The following CFAP20DC variants were observed in gnomAD, a reference collection of about 807,000 sequenced individuals.
The protein encoded by CFAP20DC is CFAP20 domain containing.
In CFAP20DC, 84 loss-of-function variants were observed where a neutral mutation model predicts 101.7. The ratio of observed to expected loss-of-function variants is 0.83; its 90% CI spans 0.69 to 0.99. CFAP20DC has a LOEUF of 0.99. CFAP20DC is among the 50% of genes least tolerant of loss of function. The pLI, the probability that CFAP20DC is intolerant of heterozygous loss-of-function variation, is 0.00. For missense variants in CFAP20DC, 1,007 were observed against 970.3 expected, an observed-to-expected ratio of 1.04 and a Z score of -0.50; for synonymous variants, 359 against 351.2, an observed-to-expected ratio of 1.02 and a Z score of -0.25.
intron 4 of CFAP20DC, among the ~76,000 whole-genome samples, chr3:59,037,449 C>G (rs2094124972): frequency 6.7e-6 from 1 of 149,772 alleles, no homozygotes. Context: ...AAAAAAAAAA[C>G]TCCAGCAAAA....
chr3:58,985,390 T>C (rs1186457799), intron 4 of CFAP20DC, among the ~76,000 whole-genome samples: 1 of 152,216 alleles, frequency 6.6e-6, no homozygotes, highest in Non-Finnish European at 1.5e-5. Flanking sequence ...AACAACCTCC[T>C]AATTACACTC....
Position 58,831,908 on chromosome 3 carries a change from A to G in CFAP20DC, c.1972-19T>C. On this transcript the variant is annotated intron_variant, in intron 13 of 16. Coordinates refer to ENST00000482387, the MANE Select transcript of CFAP20DC (RefSeq NM_001394063.1). Reference sequence around the variant, plus strand: ...CATATTCCTGACCAAGAGAGAGGAAAATAACAAAGGGTCATTTGGCCTAAT... The same window carrying G: ...CATATTCCTGACCAAGAGAGAGGAAGATAACAAAGGGTCATTTGGCCTAAT... 1 of 1,608,130 alleles carries G rather than the reference A, an allele frequency of 6.2e-7. No homozygotes were observed. The highest frequency in any genetic ancestry group is 8.5e-7 in the Non-Finnish European group (1 of 1,174,648).
chr3:58,803,773 T>C (rs926781191), intron 15 of CFAP20DC, among the ~76,000 whole-genome samples: 7 of 152,152 alleles, frequency 4.6e-5, no homozygotes, highest in Admixed American at 2.6e-4. Flanking sequence ...GTAAATGGGG[T>C]TGGTGGTATT....
chr3:58,839,874 T>C (rs1010326007), intron 13 of CFAP20DC, among the ~76,000 whole-genome samples: 1 of 152,228 alleles, frequency 6.6e-6, no homozygotes, highest in Admixed American at 6.5e-5. Flanking sequence ...ACTACTGCTA[T>C]TCCATACCAT....
intron 7 of CFAP20DC, among the ~76,000 whole-genome samples, chr3:58,873,439 C>T (rs1397002315): frequency 6.7e-6 from 1 of 149,620 alleles, no homozygotes; most frequent in Admixed American, 6.6e-5. Flanking sequence ...GATAGCCATT[C>T]TGGATGCTGT....
chr3:58,849,915 C>G (rs1406649581), intron 12 of CFAP20DC, among the ~76,000 whole-genome samples: 2 of 152,038 alleles, frequency 1.3e-5, no homozygotes, highest in East Asian at 1.9e-4. Context: ...TTTTGTTTTT[C>G]AAGAGCAATG....
rs2084234386 is a variant in CFAP20DC at position 58,912,323 on chromosome 3, A to AT, written c.550+1384dup. Among the ~76,000 whole-genome samples, 1 of 152,056 alleles carries AT rather than the reference A, an allele frequency of 6.6e-6. No homozygotes were observed. Among genetic ancestry groups the AT allele is most frequent in the Non-Finnish European group, 1.5e-5 (1 of 68,024 alleles). On this transcript the variant is annotated intron_variant, in intron 6 of 16. Coordinates refer to ENST00000482387, the MANE Select transcript of CFAP20DC (RefSeq NM_001394063.1). This position sits in a 1 kb window ranked among gnomAD's most constrained non-coding sequence, Gnocchi z 4.4. ...TGAGGCTTCTTATTAGCTGGGTGCC[A>AT]TTTAAAAAAATGAAATCTTTCACTT...
chr3:58,716,343 T>C (rs1575509161), downstream of CFAP20DC, among the ~76,000 whole-genome samples: 2 of 151,666 alleles, frequency 1.3e-5, no homozygotes, highest in East Asian at 3.9e-4. Context: ...TTTTGTATTT[T>C]TAGTAGAGAC....
At chr3:58,926,990 A>G (rs578163320) in intron 5 of CFAP20DC, among the ~76,000 whole-genome samples, 1 of 152,348 alleles carries the variant, frequency 6.6e-6, no homozygotes, top group South Asian at 2.1e-4. Flanking sequence ...CACCAGCATC[A>G]ACTAATTGAA....
chr3:58,874,289 T>A lies in CFAP20DC; in HGVS notation c.716-3980A>T, dbSNP rs977838503. On this transcript the variant is annotated intron_variant, in intron 7 of 16. Transcript: ENST00000482387. This position sits in a 1 kb window ranked among gnomAD's most constrained non-coding sequence, Gnocchi z 5.1. Reference sequence around the variant, plus strand: ...TCCATCTCCTCCACCAGCACTGACATCCTCTTCCTCCTGGATGATGACAAA... The same window carrying A: ...TCCATCTCCTCCACCAGCACTGACAACCTCTTCCTCCTGGATGATGACAAA... Among the ~76,000 whole-genome samples, 2 of 152,194 alleles carry A rather than the reference T, an allele frequency of 1.3e-5. No individual in the cohort carries two copies. Among genetic ancestry groups the A allele is most frequent in the African/African-American group, 4.8e-5 (2 of 41,446 alleles).
chr3:58,922,010 C>T (rs1393825215), intron 5 of CFAP20DC, among the ~76,000 whole-genome samples: 2 of 152,130 alleles, frequency 1.3e-5, no homozygotes, highest in African/African-American at 4.8e-5. Context: ...AGTATACGTA[C>T]TCTAGCTTTT....
At chr3:58,898,411 G>A (rs1209300508) in intron 6 of CFAP20DC, among the ~76,000 whole-genome samples, 2 of 152,190 alleles carry the variant, frequency 1.3e-5, no homozygotes, top group Non-Finnish European at 2.9e-5. Flanking sequence ...CTGAGCTCAA[G>A]TGATCCACAT....
At position 58,724,985 on chromosome 3, in the gene CFAP20DC, G is replaced by A. The variant is rs1401090595; in HGVS notation, c.198-7357C>T. On this transcript the variant is annotated intron_variant, in intron 3 of 3. Transcript: ENST00000486145. The surrounding 1 kb of genome is among the most constrained non-coding windows in gnomAD (Gnocchi z 5.6). ...AGGTTCTGCTATTATTACTTTGGAG[G>A]GGACCACCGAACCAGTAAACATTTG... is the stretch of plus-strand genomic sequence containing the variant. 6.6e-6 allele frequency among the ~76,000 whole-genome samples: 1 copy of A among 152,044 alleles called. No homozygotes were observed. The highest frequency in any genetic ancestry group is 1.5e-5 in the Non-Finnish European group (1 of 68,016).
rs770153524 is a variant in CFAP20DC at position 58,884,685 on chromosome 3, G to T, written c.575C>A (p.Thr192Lys). 6.2e-7 allele frequency: 1 copy of T among 1,613,348 alleles called. No individual in the cohort carries two copies. Among genetic ancestry groups the T allele is most frequent in the Non-Finnish European group, 8.5e-7 (1 of 1,179,570 alleles). ...KDAVYGVPFS[T>K]DEPTDIIPRS... ...TGGTATAATATCTGTAGGCTCATCTGTTGAAAAGGGAACACCATAGACAGC... is the reference window on the plus strand; with the variant it reads ...TGGTATAATATCTGTAGGCTCATCTTTTGAAAAGGGAACACCATAGACAGC... Residue 192 changes from threonine (T) to lysine (K), a missense_variant, in exon 7 of 17, where the codon ACA becomes AAA. Physicochemically the swap from Thr to Lys is moderately conservative, Grantham distance 78 (BLOSUM62 -1). Transcript: ENST00000482387.
chr3:59,045,322 T>C (rs1451373477), intron 3 of CFAP20DC, among the ~76,000 whole-genome samples: 2 of 152,010 alleles, frequency 1.3e-5, no homozygotes, highest in African/African-American at 2.4e-5. Flanking sequence ...TAGAGCTTCA[T>C]GCATGGTAGG....
At chr3:59,008,063 C>T (rs1318266707) in intron 4 of CFAP20DC, among the ~76,000 whole-genome samples, 1 of 152,192 alleles carries the variant, frequency 6.6e-6, no homozygotes, top group Non-Finnish European at 1.5e-5. Context: ...GCTTCCCCAA[C>T]AGAAACACTG....
intron 4 of CFAP20DC, among the ~76,000 whole-genome samples, chr3:58,990,638 T>C (rs1467618827): frequency 1.3e-5 from 2 of 152,102 alleles, no homozygotes; most frequent in African/African-American, 4.8e-5. Flanking sequence ...AATCCAAAGA[T>C]CAGAATTCTG....
intron 4 of CFAP20DC, among the ~76,000 whole-genome samples, chr3:59,021,096 G>A (rs1445044955): frequency 6.6e-6 from 1 of 151,982 alleles, no homozygotes; most frequent in Non-Finnish European, 1.5e-5. Context: ...AAACAGTCCA[G>A]GTTCCTTGGC....
intron 15 of CFAP20DC, among the ~76,000 whole-genome samples, chr3:58,802,150 A>C (rs2073756644): frequency 6.6e-6 from 1 of 152,232 alleles, no homozygotes; most frequent in Non-Finnish European, 1.5e-5. Context: ...CATAAAACTC[A>C]TTCCTGAGCA....
Sources: allele counts gnomAD v4.1 joint callset (sites outside exome capture counted in the v4.1 genomes callset), GRCh38; gene constraint gnomAD v4.1.1; non-coding constraint Gnocchi (gnomAD v3.1); transcripts MANE v1.5; gene names NCBI Gene and HGNC (gene_info 2026-07-23, HGNC 2026-07-21).